The following DCAF8L2 variants were observed in gnomAD, a reference collection of about 807,000 sequenced individuals.
DCAF8L2 encodes the protein DDB1 and CUL4 associated factor 8 like 2, also known as DDB1- and CUL4-associated factor 8-like protein 2.
For synonymous variants in DCAF8L2, 200 were observed against 190.9 expected, an observed-to-expected ratio of 1.05 and a Z score of -0.39; for missense variants, 430 against 490.7, an observed-to-expected ratio of 0.88 and a Z score of 1.17.
chrX:27,624,937 C>T (rs1457275284), intron 1 of DCAF8L2, among the ~76,000 whole-genome samples: 1 of 111,656 alleles, frequency 9.0e-6, no homozygotes, highest in Non-Finnish European at 1.9e-5. Context: ...GATATAGGCC[C>T]TGGCAAAGAT....
chrX:27,693,166 A>G (rs746086198), intron 3 of DCAF8L2, among the ~76,000 whole-genome samples: 1 of 111,366 alleles, frequency 9.0e-6, no homozygotes, highest in East Asian at 2.8e-4. Context: ...TGGATATTTG[A>G]AAGGATATTT....
upstream of DCAF8L2, among the ~76,000 whole-genome samples, chrX:27,587,985 A>AAAAAAAATATATATATATAT: frequency 4.5e-4 from 10 of 22,352 alleles, no homozygotes; most frequent in Non-Finnish European, 8.1e-4. Context: ...TAAAAAAAAA[A>AAAAAAAATATATATATATAT]ATATATATAT....
chrX:27,724,785 T>C (rs1240192526), intron 4 of DCAF8L2, among the ~76,000 whole-genome samples: 1 of 111,242 alleles, frequency 9.0e-6, no homozygotes, highest in African/African-American at 3.2e-5. Context: ...GCCAGGTTTT[T>C]AACTAAATAC....
At chrX:27,502,374 ATATT>A in the DCAF8L2 span, among the ~76,000 whole-genome samples, 2 of 75,827 alleles carry the variant, frequency 2.6e-5, no homozygotes, top group Admixed American at 1.6e-4. Context: ...ATATATATAT[ATATT>A]GGCTGTGCAT....
chrX:27,641,809 A>G (rs1279752778), intron 2 of DCAF8L2, among the ~76,000 whole-genome samples: 3 of 109,938 alleles, frequency 2.7e-5, no homozygotes, highest in Non-Finnish European at 5.7e-5. Flanking sequence ...TACTCTGCAT[A>G]ACGTGTGTTT....
At chrX:27,655,612 T>C (rs748397031) in intron 2 of DCAF8L2, among the ~76,000 whole-genome samples, 2 of 112,025 alleles carry the variant, frequency 1.8e-5, no homozygotes, top group South Asian at 7.4e-4. Context: ...ACTATTATTA[T>C]TATTATTTTA....
At chrX:27,653,962 A>G (rs1315255045) in intron 2 of DCAF8L2, among the ~76,000 whole-genome samples, 1 of 111,854 alleles carries the variant, frequency 8.9e-6, no homozygotes, top group Non-Finnish European at 1.9e-5. Flanking sequence ...ATTAACGTGC[A>G]TAAATATTCC....
chrX:27,577,756 G>A, the DCAF8L2 span, among the ~76,000 whole-genome samples: 2 of 110,790 alleles, frequency 1.8e-5, no homozygotes, highest in Non-Finnish European at 1.9e-5. Flanking sequence ...CATACCAACA[G>A]TATACAAGCC....
At chrX:27,544,897 C>G in the DCAF8L2 span, among the ~76,000 whole-genome samples, 1 of 111,796 alleles carries the variant, frequency 8.9e-6, no homozygotes, top group Non-Finnish European at 1.9e-5. Context: ...AGTAAAGACA[C>G]GAGTAATTAG....
At chrX:27,558,141 CA>C in the DCAF8L2 span, among the ~76,000 whole-genome samples, 19 of 111,575 alleles carry the variant, frequency 1.7e-4, no homozygotes, top group African/African-American at 6.2e-4. Context: ...AGTGTGGCCA[CA>C]ACAGACTGTA....
chrX:27,577,477 A>T, the DCAF8L2 span, among the ~76,000 whole-genome samples: 1 of 112,111 alleles, frequency 8.9e-6, no homozygotes, highest in Non-Finnish European at 1.9e-5. Context: ...GGATTACTAC[A>T]TAATATAATA....
chrX:27,547,242 A>G, the DCAF8L2 span, among the ~76,000 whole-genome samples: 1 of 111,824 alleles, frequency 8.9e-6, no homozygotes, highest in African/African-American at 3.2e-5. Flanking sequence ...TGTCCATAAC[A>G]CTATCAGCAT....
the DCAF8L2 span, among the ~76,000 whole-genome samples, chrX:27,496,518 T>C: frequency 8.9e-6 from 1 of 111,896 alleles, no homozygotes; most frequent in East Asian, 2.8e-4. Flanking sequence ...CCTTTTTGGC[T>C]GGCTTCTTTC....
the DCAF8L2 span, among the ~76,000 whole-genome samples, chrX:27,497,307 A>G: frequency 5.4e-5 from 6 of 111,726 alleles, no homozygotes; most frequent in Admixed American, 3.8e-4. Context: ...TTAATGATGA[A>G]AAACACATAA....
At chrX:27,658,938 G>A (rs1344905554) in intron 2 of DCAF8L2, among the ~76,000 whole-genome samples, 2 of 112,019 alleles carry the variant, frequency 1.8e-5, no homozygotes, top group Admixed American at 9.5e-5. Flanking sequence ...GGATTAAAAT[G>A]TAATCCTATT....
rs1922355755 is a variant in DCAF8L2, at chrX:27,748,032, C to G, written c.1137C>G (p.Thr379=). 2 of 1,211,910 alleles carry G rather than the reference C, an allele frequency of 1.7e-6. No homozygotes were observed. The highest frequency in any genetic ancestry group is 3.5e-5 in the African/African-American group (2 of 57,860). Reference sequence around the variant, plus strand: ...CAATTACTGTGAATCCCGCCAATACCTACCAATTTGCAGTGGGTGGACAAG... The same window carrying G: ...CAATTACTGTGAATCCCGCCAATACGTACCAATTTGCAGTGGGTGGACAAG... ...LYTITVNPAN[T]YQFAVGGQDQ... is the part of the protein sequence containing the mutation. Residue 379 remains threonine, a synonymous_variant, in exon 5 of 5, where the codon ACC becomes ACG. Transcript: ENST00000451261.
intron 4 of DCAF8L2, among the ~76,000 whole-genome samples, chrX:27,742,777 TTAATAATTCA>T (rs1434426585): frequency 4.5e-5 from 5 of 111,279 alleles, no homozygotes; most frequent in African/African-American, 1.6e-4. Flanking sequence ...ACAGGAAACT[TTAATAATTCA>T]TAATTTTAGT....
chrX:27,475,858 G>A, the DCAF8L2 span, among the ~76,000 whole-genome samples: 2 of 111,561 alleles, frequency 1.8e-5, no homozygotes, highest in Non-Finnish European at 3.8e-5. Context: ...AGGATCCAGT[G>A]AGTATTTGTT....
At chrX:27,658,973 C>T (rs1312482738) in intron 2 of DCAF8L2, among the ~76,000 whole-genome samples, 1 of 111,875 alleles carries the variant, frequency 8.9e-6, no homozygotes, top group Non-Finnish European at 1.9e-5. Context: ...TAATAATTCT[C>T]GCCCCCACCT....
Sources: gnomAD v4.1 joint callset for allele counts (sites outside exome capture counted in the v4.1 genomes callset) on GRCh38, gnomAD v4.1.1 for gene constraint, MANE v1.5 for transcripts, NCBI Gene and HGNC (gene_info 2026-07-23, HGNC 2026-07-21) for gene names.